The following WASHC4 variants were observed in gnomAD, a reference collection of about 807,000 sequenced individuals.
WASHC4 encodes WASH complex subunit 7.
Under a neutral mutation model 166.6 loss-of-function variants are expected in WASHC4, and 86 were observed. The observed-to-expected ratio is 0.52, with a 90% CI of 0.43 to 0.62. WASHC4 has a LOEUF of 0.62. Among genes scored for constraint, WASHC4 ranks in the 20% least tolerant of loss-of-function variants. The pLI is 0.00. For synonymous variants in WASHC4, 446 were observed against 451.6 expected, an observed-to-expected ratio of 0.99 and a Z score of 0.16; for missense variants, 1,262 against 1,382.4, an observed-to-expected ratio of 0.91 and a Z score of 1.38.
At chr12:105,166,450 G>A (rs1253044929) in intron 32 of WASHC4, among the ~76,000 whole-genome samples, 1 of 152,090 alleles carries the variant, frequency 6.6e-6, no homozygotes, top group Non-Finnish European at 1.5e-5. Context: ...GTTTTGATAT[G>A]TGAGTTTGCA....
In WASHC4 at chr12:105,167,024, T is replaced by G. The variant is rs938845053; in HGVS notation, c.*93T>G. The G allele has an allele frequency of 4.7e-6, 4 of 850,642 alleles. No individual in the cohort carries two copies. Among genetic ancestry groups the G allele is most frequent in the Non-Finnish European group, 6.0e-6 (3 of 499,162 alleles). 52.7% of individuals were successfully genotyped at this position (850,642 alleles called of 1,614,324 possible). A position where few individuals can be genotyped will look rare whatever the true frequency, so the allele number is the denominator to read the frequency against. ...GATAAACTATTGATGAATTGTTTCCTGGGTCACATCTCTGGAAAATAGATG... is the reference window on the plus strand; with the variant it reads ...GATAAACTATTGATGAATTGTTTCCGGGGTCACATCTCTGGAAAATAGATG... On this transcript the variant is annotated 3_prime_UTR_variant, in exon 33 of 33. Coordinates refer to ENST00000332180, the MANE Select transcript of WASHC4 (RefSeq NM_015275.3).
chr12:105,115,754 GC>G, intron 6 of WASHC4, 26 bp downstream of exon 6: 1 of 1,453,606 alleles, frequency 6.9e-7, no homozygotes, highest in South Asian at 1.1e-5. Context: ...TTTCTACTGA[GC>G]TTTTACTTCA....
Position 105,149,621 on chromosome 12 carries a change from T to C in WASHC4, c.2521T>C (p.Phe841Leu). 6.9e-7 allele frequency: 1 copy of C among 1,456,794 alleles called. No individual in the cohort carries two copies. The highest frequency in any genetic ancestry group is 9.6e-7 in the Non-Finnish European group (1 of 1,044,622). 90.2% of individuals were successfully genotyped at this position (1,456,794 alleles called of 1,614,324 possible). A position where few individuals can be genotyped will look rare whatever the true frequency, so the allele number is the denominator to read the frequency against. Residue 841 changes from phenylalanine to leucine, a missense_variant, in exon 25 of 33, where the codon TTC (phenylalanine) becomes CTC (leucine). Coordinates refer to ENST00000332180, the MANE Select transcript of WASHC4 (RefSeq NM_015275.3). ...TTGAATTTTAATTTTATAGGTTAAT[T>C]TCACCTACCAGTTTTTGAAAAAGAA... Reference protein sequence around the residue: ...GTGIMNTTVNFTYQFLKKKFY... With the variant: ...GTGIMNTTVNLTYQFLKKKFY...
chr12:105,157,409 C>A, intron 28 of WASHC4, 87 bp downstream of exon 28: 1 of 749,616 alleles, frequency 1.3e-6, no homozygotes, highest in Non-Finnish European at 2.3e-6. Flanking sequence ...ATTTTTATGC[C>A]ACTGTTTTTA....
At chr12:105,122,873 C>G (rs779577980) in intron 10 of WASHC4, among the ~76,000 whole-genome samples, 1 of 152,152 alleles carries the variant, frequency 6.6e-6, no homozygotes, top group Non-Finnish European at 1.5e-5. Flanking sequence ...TCTCTTCAAG[C>G]CTTTTTATTC....
At chr12:105,139,970 G>A (rs1439199633) in intron 15 of WASHC4, among the ~76,000 whole-genome samples, 6 of 150,226 alleles carry the variant, frequency 4.0e-5, no homozygotes, top group African/African-American at 1.5e-4. Flanking sequence ...CTCAACCTCC[G>A]CCTCCCAGGT....
At chr12:105,109,649 C>CTTTTTTTT (rs36080234) in intron 1 of WASHC4, among the ~76,000 whole-genome samples, 30 of 97,622 alleles carry the variant, frequency 3.1e-4, no homozygotes, top group African/African-American at 4.4e-4. Flanking sequence ...CTAGCATTGT[C>CTTTTTTTT]TTTTTTTTTT....
At position 105,143,821 on chromosome 12, in the gene WASHC4, A is replaced by G. The variant is rs924936353; in HGVS notation, c.2011-466A>G. On this transcript the variant is annotated intron_variant, in intron 20 of 32. Transcript: ENST00000332180. The stretch of plus-strand genomic sequence containing the variant: ...CTACCTGGGTTTGATGAAATTGTGA[A>G]AAACTTTTTATAATTTCTTGTATTA... Among the ~76,000 whole-genome samples the G allele has an allele frequency of 2.6e-5, 4 of 152,138 alleles. No individual in the cohort carries two copies. In the South Asian group the frequency reaches 8.3e-4, roughly 32 times the overall value.
chr12:105,127,679 CCTT>C (rs1440108256), intron 13 of WASHC4, among the ~76,000 whole-genome samples: 2 of 151,922 alleles, frequency 1.3e-5, no homozygotes, highest in Admixed American at 6.6e-5. Flanking sequence ...CCTTTTTCCC[CCTT>C]CTTTTTATTT....
intron 32 of WASHC4, among the ~76,000 whole-genome samples, chr12:105,165,448 T>C (rs1290891838): frequency 6.6e-6 from 1 of 152,226 alleles, no homozygotes; most frequent in Non-Finnish European, 1.5e-5. Context: ...CCTTTTTCTG[T>C]CATGGATATT....
chr12:105,150,635 T>C (rs1883676496), intron 25 of WASHC4, among the ~76,000 whole-genome samples: 1 of 152,168 alleles, frequency 6.6e-6, no homozygotes, highest in South Asian at 2.1e-4. Flanking sequence ...AATACCAAAA[T>C]TAGCCGGGCA....
intron 7 of WASHC4, among the ~76,000 whole-genome samples, chr12:105,119,160 A>G (rs1221410180): frequency 2.6e-5 from 4 of 152,130 alleles, no homozygotes; most frequent in African/African-American, 9.7e-5. Context: ...AGAATCTGGG[A>G]GCTTGGAGAA....
chr12:105,109,670 T>TC (rs1555231346), intron 1 of WASHC4, among the ~76,000 whole-genome samples: 2 of 138,726 alleles, frequency 1.4e-5, no homozygotes, highest in East Asian at 2.1e-4. Context: ...TTTTTTTTTT[T>TC]CGAGACAAGG....
chr12:105,154,055 G>C (rs1325447135), intron 26 of WASHC4, among the ~76,000 whole-genome samples: 2 of 146,610 alleles, frequency 1.4e-5, no homozygotes, highest in South Asian at 2.2e-4. Context: ...TTTTGAGACA[G>C]AGTCTTGCTC....
At chr12:105,118,232 GT>G (rs1880375016) in intron 6 of WASHC4, among the ~76,000 whole-genome samples, 1 of 152,212 alleles carries the variant, frequency 6.6e-6, no homozygotes, top group African/African-American at 2.4e-5. Context: ...ATGAAATGCA[GT>G]GGGAACAAAG....
intron 28 of WASHC4, among the ~76,000 whole-genome samples, chr12:105,158,405 T>C (rs571865139): frequency 1.3e-5 from 2 of 152,314 alleles, no homozygotes; most frequent in Non-Finnish European, 2.9e-5. Context: ...ACAGATGTAA[T>C]GTGGCCTCTT....
At chr12:105,121,749 G>A (rs1021404201) in intron 9 of WASHC4, among the ~76,000 whole-genome samples, 2 of 151,890 alleles carry the variant, frequency 1.3e-5, no homozygotes, top group Admixed American at 6.6e-5. Flanking sequence ...CTCATGATCC[G>A]CCCGCCTTGG....
chr12:105,132,121 G>A (rs1196645052), intron 13 of WASHC4, among the ~76,000 whole-genome samples: 2 of 152,220 alleles, frequency 1.3e-5, no homozygotes, highest in Admixed American at 6.5e-5. Context: ...AGTTGGTAGG[G>A]TCCGATTCCA....
chr12:105,118,635 A>G lies in WASHC4; in HGVS notation c.518+107A>G, dbSNP rs912091293. On this transcript the variant is annotated intron_variant, in intron 7 of 32. Transcript: ENST00000332180. ...TTTTCTTTCATTCAGCATTCTTTGAACACTTATGATATTTCAAACACTACT... is the reference window on the plus strand; with the variant it reads ...TTTTCTTTCATTCAGCATTCTTTGAGCACTTATGATATTTCAAACACTACT... The G allele has an allele frequency of 5.3e-6, 4 of 751,074 alleles. No homozygotes were observed. The African/African-American group carries it at 6.9e-5, about 13-fold the overall frequency. The allele number at this position is 751,074 out of a possible 1,614,324, so 46.5% of individuals were successfully genotyped here.
Sources: gnomAD v4.1 joint callset for allele counts (sites outside exome capture counted in the v4.1 genomes callset) on GRCh38, gnomAD v4.1.1 for gene constraint, MANE v1.5 for transcripts, NCBI Gene and HGNC (gene_info 2026-07-23, HGNC 2026-07-21) for gene names.